The following PAPPA variants were observed in gnomAD, a reference collection of about 807,000 sequenced individuals.
PAPPA encodes pappalysin 1.
In PAPPA, 60 loss-of-function variants were observed where a neutral mutation model predicts 164.0. The ratio of observed to expected loss-of-function variants is 0.37; its 90% CI spans 0.30 to 0.45. The LOEUF is 0.45. Ranked by LOEUF, PAPPA falls within the 20% of genes least tolerant of loss-of-function variation. PAPPA has a pLI of 1.00. For missense variants in PAPPA, 1,782 were observed against 2,087.3 expected (o/e 0.85, Z 2.85); for synonymous variants, 875 against 814.1 (o/e 1.07, Z -1.27).
At chr9:116,262,409 A>T (rs1845013856) in intron 7 of PAPPA, among the ~76,000 whole-genome samples, 1 of 152,242 alleles carries the variant, frequency 6.6e-6, no homozygotes, top group Non-Finnish European at 1.5e-5. Context: ...TAGCCAAAAT[A>T]ATCACATCTC....
chr9:116,241,217 C>G (rs139966535), intron 7 of PAPPA, among the ~76,000 whole-genome samples: 1 of 152,240 alleles, frequency 6.6e-6, no homozygotes, highest in African/African-American at 2.4e-5. Flanking sequence ...TTGTTGACTT[C>G]CAACATGAGC....
chr9:116,289,699 C>T (rs558821779), intron 9 of PAPPA, among the ~76,000 whole-genome samples: 61 of 152,068 alleles, frequency 4.0e-4, no homozygotes, highest in Non-Finnish European at 7.8e-4. Context: ...AACGTTCATT[C>T]GTTCAGCAAA....
intron 10 of PAPPA, among the ~76,000 whole-genome samples, chr9:116,313,736 C>G (rs192977989): frequency 3.3e-5 from 5 of 152,218 alleles, no homozygotes; most frequent in African/African-American, 4.8e-5. Flanking sequence ...TGATATTAAG[C>G]CCTAGGAATG....
chr9:116,263,097 T>C (rs1845022452), intron 7 of PAPPA, among the ~76,000 whole-genome samples: 1 of 152,210 alleles, frequency 6.6e-6, no homozygotes, highest in Non-Finnish European at 1.5e-5. Flanking sequence ...AAACTTGGGA[T>C]AACAACACCT....
chr9:116,329,743 T>C (rs1845966060), intron 10 of PAPPA, among the ~76,000 whole-genome samples: 1 of 152,348 alleles, frequency 6.6e-6, no homozygotes, highest in Admixed American at 6.5e-5. Context: ...CATGTTGATG[T>C]CTATGAGCTT....
intron 9 of PAPPA, among the ~76,000 whole-genome samples, chr9:116,300,525 C>A (rs567266623): frequency 6.6e-6 from 1 of 152,140 alleles, no homozygotes; most frequent in East Asian, 1.9e-4. Flanking sequence ...CCTGCCTTGG[C>A]TCTCCCCAAA....
intron 18 of PAPPA, among the ~76,000 whole-genome samples, 199 bp from the exon 19 acceptor site, chr9:116,367,446 C>T (rs990046994): frequency 2.0e-5 from 3 of 152,178 alleles, no homozygotes; most frequent in African/African-American, 7.2e-5. Flanking sequence ...AGGAACCAGT[C>T]AGATGGGAGG....
In PAPPA at chr9:116,383,098, C is replaced by T. The variant is rs139554542; in HGVS notation, c.4776+605C>T. On this transcript the variant is annotated intron_variant, in intron 21 of 21. Coordinates refer to ENST00000328252, the MANE Select transcript of PAPPA (RefSeq NM_002581.5). ...TTTTTTCTTTATATCAGGACACACC[C>T]AGGAGTGATTCAAGTGTTTATAGTA... 3.5e-3 allele frequency among the ~76,000 whole-genome samples: 534 copies of T among 152,174 alleles called. 11 individuals carry two copies. The highest frequency in any genetic ancestry group is 0.028 in the Admixed American group (427 of 15,292).
intron 17 of PAPPA, among the ~76,000 whole-genome samples, chr9:116,358,023 T>A (rs1183043357): frequency 6.6e-6 from 1 of 152,136 alleles, no homozygotes; most frequent in African/African-American, 2.4e-5. Flanking sequence ...AAGGTACAGC[T>A]CACATATGTG....
intron 6 of PAPPA, among the ~76,000 whole-genome samples, chr9:116,233,084 C>T (rs1179122217): frequency 6.6e-6 from 1 of 152,194 alleles, no homozygotes; most frequent in Non-Finnish European, 1.5e-5. Flanking sequence ...CTTTAATGTT[C>T]TATGCTGTAA....
chr9:116,246,678 G>A (rs1844800332), intron 7 of PAPPA, among the ~76,000 whole-genome samples: 1 of 152,096 alleles, frequency 6.6e-6, no homozygotes, highest in Admixed American at 6.6e-5. Context: ...TCAGAGTCTA[G>A]ACATTGAAGT....
At chr9:116,348,161 A>T (rs10120448) in intron 15 of PAPPA, among the ~76,000 whole-genome samples, 96,492 of 151,498 alleles carry the variant, frequency 0.64, 32,285 homozygotes, top group South Asian at 0.77. Context: ...CTTTGACCAT[A>T]CAGGGAAATA....
chr9:116,371,764 A>ACACT (rs1385273565), intron 19 of PAPPA, among the ~76,000 whole-genome samples: 1 of 152,104 alleles, frequency 6.6e-6, no homozygotes, highest in Non-Finnish European at 1.5e-5. Flanking sequence ...TGTTTTGGGT[A>ACACT]CACTCATGAA....
intron 4 of PAPPA, among the ~76,000 whole-genome samples, chr9:116,218,281 A>T (rs1379855193): frequency 1.3e-5 from 2 of 152,176 alleles, no homozygotes; most frequent in Non-Finnish European, 2.9e-5. Context: ...CCTAAGCTGG[A>T]TTCTCAAAGC....
intron 10 of PAPPA, among the ~76,000 whole-genome samples, chr9:116,309,031 T>C (rs1845682289): frequency 6.6e-6 from 1 of 152,064 alleles, no homozygotes; most frequent in Non-Finnish European, 1.5e-5. Flanking sequence ...TAGGAAACCT[T>C]AAAATGTCAG....
intron 17 of PAPPA, among the ~76,000 whole-genome samples, chr9:116,355,335 CAA>C (rs1846338967): frequency 6.6e-6 from 1 of 152,232 alleles, no homozygotes; most frequent in African/African-American, 2.4e-5. Flanking sequence ...AACCAAGACT[CAA>C]AGAGGTTACT....
At chr9:116,204,137 C>A (rs1844203902) in intron 2 of PAPPA, among the ~76,000 whole-genome samples, 2 of 152,226 alleles carry the variant, frequency 1.3e-5, no homozygotes, top group South Asian at 4.2e-4. Context: ...CTTATTTAAT[C>A]CTGTTGGGAT....
chr9:116,343,040 T>C lies in PAPPA; in HGVS notation c.3612-1503T>C, dbSNP rs1445495891. Among the ~76,000 whole-genome samples, 3 of 152,152 alleles carry C rather than the reference T, an allele frequency of 2.0e-5. No homozygotes were observed. The East Asian group carries it at 5.8e-4, about 29-fold the overall frequency. The stretch of plus-strand genomic sequence containing the variant: ...TCAAGGACGTTCTAGTCCAGAAACA[T>C]GGGACAAGGTTAACAACAAGGCCTT... On this transcript the variant is annotated intron_variant, in intron 13 of 21. Coordinates refer to ENST00000328252, the MANE Select transcript of PAPPA (RefSeq NM_002581.5).
chr9:116,170,274 A>T (rs1433703478), intron 1 of PAPPA, among the ~76,000 whole-genome samples: 1 of 152,202 alleles, frequency 6.6e-6, no homozygotes, highest in Non-Finnish European at 1.5e-5. Flanking sequence ...TTGAGTTGTC[A>T]TATCAGACTG....
Sources: allele counts gnomAD v4.1 joint callset (sites outside exome capture counted in the v4.1 genomes callset), GRCh38; gene constraint gnomAD v4.1.1; transcripts MANE v1.5; gene names NCBI Gene and HGNC (gene_info 2026-07-23, HGNC 2026-07-21).